Variants in JPH1 observed in about 807,000 individuals in gnomAD.
JPH1 encodes the protein junctophilin-1.
A neutral mutation model predicts 53.6 loss-of-function variants in JPH1; 12 were observed. The observed-to-expected ratio is 0.22, with a 90% CI of 0.14 to 0.36. The LOEUF is 0.36. JPH1 is among the 10% of genes least tolerant of loss of function. JPH1 has a pLI of 1.00. For synonymous variants in JPH1, 375 were observed against 363.8 expected (o/e 1.03, Z -0.35); for missense variants, 808 against 905.5 (o/e 0.89, Z 1.38).
intron 2 of JPH1, among the ~76,000 whole-genome samples, chr8:74,263,374 A>G (rs1586743782): frequency 6.6e-6 from 1 of 152,262 alleles, no homozygotes; most frequent in South Asian, 2.1e-4. Flanking sequence ...ACTTGACAGC[A>G]GAGGCGATAA....
At chr8:74,287,836 T>A (rs1302142826) in intron 2 of JPH1, among the ~76,000 whole-genome samples, 1 of 152,208 alleles carries the variant, frequency 6.6e-6, no homozygotes, top group Non-Finnish European at 1.5e-5. Flanking sequence ...AAAATAACTT[T>A]TTTTTTGGAA....
Position 74,245,179 on chromosome 8 carries a change from G to A in JPH1, c.1259-4C>T, listed in dbSNP as rs776348394. ...CTCTGTTTGACGTAATCAGGGCCTGGCCAAAAAAAAAAGAAAAAAGAAAAA... is the reference window on the plus strand; with the variant it reads ...CTCTGTTTGACGTAATCAGGGCCTGACCAAAAAAAAAAGAAAAAAGAAAAA... On this transcript the variant is annotated splice_polypyrimidine_tract_variant and splice_region_variant and intron_variant, in intron 3 of 5. Transcript: ENST00000342232. The A allele has an allele frequency of 4.6e-6, 7 of 1,516,584 alleles. No individual in the cohort carries two copies. The African/African-American group carries it at 7.2e-5, about 16-fold the overall frequency. 93.9% of individuals were successfully genotyped at this position (1,516,584 alleles called of 1,614,324 possible).
At position 74,315,488 on chromosome 8, in the gene JPH1, C is replaced by T. The variant is rs753013204; in HGVS notation, c.512G>A (p.Ser171Asn). The T allele has an allele frequency of 6.2e-7, 1 of 1,606,948 alleles. No homozygotes were observed. The highest frequency in any genetic ancestry group is 1.1e-5 in the South Asian group (1 of 90,682). ...GGCGTCGTGGAGCACGCTGCCATTG[C>T]TCTGCTCGCTGCGCAGCGAGGCCAG... ...TSLASLRSEQ[S>N]NGSVLHDAAA... The change falls in exon 2 of 6, where the codon AGC becomes AAC. Residue 171 changes from serine to asparagine, a missense_variant. This residue lies in a region of JPH1 where 756 missense variants were observed against 811.9 expected (regional missense o/e 0.93). Transcript: ENST00000342232. The surrounding 1 kb of genome is among the most constrained non-coding windows in gnomAD (Gnocchi z 6.3).
Position 74,245,142 on chromosome 8 carries a change from C to T in JPH1, c.1292G>A (p.Gly431Asp), listed in dbSNP as rs746422896. The T allele has an allele frequency of 6.2e-7, 1 of 1,603,090 alleles. No homozygotes were observed. The highest frequency in any genetic ancestry group is 8.5e-7 in the Non-Finnish European group (1 of 1,177,710). Reference sequence around the variant, plus strand: ...TTCTGGATTTTCTTTAGCATCTACACCTTCCTGAAATCTCTGTTTGACGTA... The same window carrying T: ...TTCTGGATTTTCTTTAGCATCTACATCTTCCTGAAATCTCTGTTTGACGTA... ...PDYVKQRFQE[G>D]VDAKENPEEK... The change falls in exon 4 of 6, where the codon GGT becomes GAT. Residue 431 changes from glycine (G) to aspartate (D), a missense_variant. Transcript: ENST00000342232.
intron 2 of JPH1, among the ~76,000 whole-genome samples, chr8:74,284,887 CAA>C (rs1394572575): frequency 6.6e-6 from 1 of 150,920 alleles, no homozygotes; most frequent in Non-Finnish European, 1.5e-5. Flanking sequence ...TGCAGTGGCG[CAA>C]TCTCGGCTCA....
At chr8:74,302,763 T>C (rs1340200667) in intron 2 of JPH1, among the ~76,000 whole-genome samples, 1 of 152,188 alleles carries the variant, frequency 6.6e-6, no homozygotes, top group Non-Finnish European at 1.5e-5. Flanking sequence ...CACCTGCCAG[T>C]TGCACAAAGG....
At chr8:74,273,492 T>C (rs1164552779) in intron 2 of JPH1, among the ~76,000 whole-genome samples, 2 of 152,204 alleles carry the variant, frequency 1.3e-5, no homozygotes, top group East Asian at 3.8e-4. Flanking sequence ...CGGGAATGAA[T>C]AATTTAACCA....
intron 3 of JPH1, among the ~76,000 whole-genome samples, chr8:74,252,017 A>G (rs968233852): frequency 2.6e-5 from 4 of 152,176 alleles, no homozygotes; most frequent in Admixed American, 1.3e-4. Context: ...AAATAATGCC[A>G]CACATCTACA....
chr8:74,295,594 G>A (rs1807482091), intron 2 of JPH1, among the ~76,000 whole-genome samples: 1 of 152,086 alleles, frequency 6.6e-6, no homozygotes, highest in Non-Finnish European at 1.5e-5. Flanking sequence ...CATTTTCTGG[G>A]TAAGAAATCT....
chr8:74,279,400 C>T (rs910368501), intron 2 of JPH1, among the ~76,000 whole-genome samples: 7 of 152,178 alleles, frequency 4.6e-5, no homozygotes, highest in Admixed American at 1.3e-4. Flanking sequence ...TTTACTTCCT[C>T]GGAAGCAACA....
chr8:74,283,690 CTTCTT>C (rs1379523636), intron 2 of JPH1, among the ~76,000 whole-genome samples: 1 of 152,192 alleles, frequency 6.6e-6, no homozygotes, highest in African/African-American at 2.4e-5. Flanking sequence ...GTTTCAGAAA[CTTCTT>C]TTAACAGCGT....
rs1391161507 is a variant in JPH1, at chr8:74,245,305, T to C, written c.1259-130A>G. The C allele has an allele frequency of 6.5e-6, 5 of 765,692 alleles. No homozygotes were observed. The African/African-American group carries it at 9.1e-5, about 14-fold the overall frequency. 47.4% of individuals were successfully genotyped at this position (765,692 alleles called of 1,614,324 possible). ...AGGCTTTGACTAAACACATATTTCA[T>C]TCTCTGGGGAAAAGTTTATTTATTA... On this transcript the variant is annotated intron_variant, in intron 3 of 5. Transcript: ENST00000342232.
chr8:74,278,407 G>T (rs183534421), intron 2 of JPH1, among the ~76,000 whole-genome samples: 2 of 152,214 alleles, frequency 1.3e-5, no homozygotes, highest in African/African-American at 4.8e-5. Context: ...AGCAGGGGAA[G>T]TGGAAGAGGC....
At chr8:74,268,123 G>A (rs1016443469) in intron 2 of JPH1, among the ~76,000 whole-genome samples, 2 of 152,180 alleles carry the variant, frequency 1.3e-5, no homozygotes, top group Non-Finnish European at 2.9e-5. Flanking sequence ...GTTCTGGGAT[G>A]AGGACGGATT....
intron 2 of JPH1, among the ~76,000 whole-genome samples, chr8:74,284,164 A>G (rs1375323842): frequency 1.3e-5 from 2 of 152,230 alleles, no homozygotes; most frequent in African/African-American, 4.8e-5. Context: ...TTGACACATC[A>G]CTAAAAATAA....
intron 2 of JPH1, among the ~76,000 whole-genome samples, chr8:74,295,314 T>C (rs1214252541): frequency 6.6e-6 from 1 of 152,170 alleles, no homozygotes; most frequent in African/African-American, 2.4e-5. Flanking sequence ...TGTATATAGT[T>C]CTATATGTGT....
Position 74,321,461 on chromosome 8 carries a change from T to G in JPH1, c.-174A>C. On this transcript the variant is annotated 5_prime_UTR_variant, in exon 1 of 6. Transcript: ENST00000342232. This position sits in a 1 kb window ranked among gnomAD's most constrained non-coding sequence, Gnocchi z 4.3. ...CGCCGCCCCCGTCCTCCCTCCTCTTTTGCCGCCGCCACCGCCGCCTTCCTC... is the reference window on the plus strand; with the variant it reads ...CGCCGCCCCCGTCCTCCCTCCTCTTGTGCCGCCGCCACCGCCGCCTTCCTC... 1.8e-6 allele frequency: 1 copy of G among 566,298 alleles called. No homozygotes were observed. Among genetic ancestry groups the G allele is most frequent in the Non-Finnish European group, 2.8e-6 (1 of 361,178 alleles). 35.1% of individuals were successfully genotyped at this position (566,298 alleles called of 1,614,324 possible).
intron 4 of JPH1, among the ~76,000 whole-genome samples, chr8:74,243,187 A>G (rs73341682): frequency 0.033 from 5,007 of 152,340 alleles, 259 homozygotes; most frequent in African/African-American, 0.11. Context: ...TGAAAGTCAA[A>G]TGAGAAGTAA....
chr8:74,257,996 T>C (rs1321013154), intron 3 of JPH1, among the ~76,000 whole-genome samples: 1 of 152,220 alleles, frequency 6.6e-6, no homozygotes, highest in Non-Finnish European at 1.5e-5. Flanking sequence ...AGGTCATTTC[T>C]CATTGCTCCA....
Sources: allele counts gnomAD v4.1 joint callset (sites outside exome capture counted in the v4.1 genomes callset), GRCh38; gene constraint gnomAD v4.1.1; regional missense constraint gnomAD v4.1.1; non-coding constraint Gnocchi (gnomAD v3.1); transcripts MANE v1.5; gene names NCBI Gene and HGNC (gene_info 2026-07-23, HGNC 2026-07-21).